The following KIF16B variants were observed in gnomAD, a reference collection of about 807,000 sequenced individuals.
The protein encoded by KIF16B is kinesin-like protein KIF16B.
In KIF16B, 98 loss-of-function variants were observed where a neutral mutation model predicts 156.3. The ratio of observed to expected loss-of-function variants is 0.63; its 90% CI spans 0.53 to 0.74. The LOEUF (loss-of-function observed/expected upper bound fraction) is 0.74, where lower values mean the gene tolerates loss of function less well. KIF16B is among the 30% of genes least tolerant of loss of function. The pLI, the probability that KIF16B is intolerant of heterozygous loss-of-function variation, is 0.00. For missense variants in KIF16B, 1,421 were observed against 1,606.5 expected, an observed-to-expected ratio of 0.88 and a Z score of 1.97; for synonymous variants, 564 against 583.7, an observed-to-expected ratio of 0.97 and a Z score of 0.49.
chr20:16,432,372 C>T lies in KIF16B; in HGVS notation c.1303-2390G>A, dbSNP rs2066525185. Among the ~76,000 whole-genome samples, 5 of 152,246 alleles carry T rather than the reference C, an allele frequency of 3.3e-5. No homozygotes were observed. The South Asian group carries it at 1.0e-3, about 32-fold the overall frequency. On this transcript the variant is annotated intron_variant, in intron 12 of 25. Transcript: ENST00000354981. ...AGATGCTCCTGGAGAATCTCCTTCC[C>T]TCCCTGACTCCTATAGTCAAGACGC...
intron 6 of KIF16B, 101 bp downstream of exon 6, chr20:16,511,317 T>C: frequency 1.6e-6 from 1 of 607,888 alleles, no homozygotes; most frequent in Non-Finnish European, 2.8e-6. Context: ...CAAAATTAAA[T>C]AAATTTTTAA....
chr20:16,462,221 G>T (rs1600460494), intron 12 of KIF16B, among the ~76,000 whole-genome samples: 1 of 149,282 alleles, frequency 6.7e-6, no homozygotes, highest in Non-Finnish European at 1.5e-5. Context: ...AGCCTGGGCG[G>T]CAAGAGCAAA....
At chr20:16,548,287 T>C (rs1297224924) in intron 1 of KIF16B, among the ~76,000 whole-genome samples, 1 of 151,846 alleles carries the variant, frequency 6.6e-6, no homozygotes, top group Non-Finnish European at 1.5e-5. Flanking sequence ...GGATTCAGAG[T>C]GCACATAGAA....
chr20:16,493,440 T>C (rs888490123), intron 12 of KIF16B, among the ~76,000 whole-genome samples: 7 of 152,238 alleles, frequency 4.6e-5, no homozygotes, highest in African/African-American at 1.7e-4. Flanking sequence ...TGATCCACCT[T>C]AGGATTCTGC....
At chr20:16,296,219 G>C (rs1268950978) in intron 25 of KIF16B, among the ~76,000 whole-genome samples, 1 of 152,182 alleles carries the variant, frequency 6.6e-6, no homozygotes, top group Non-Finnish European at 1.5e-5. Flanking sequence ...CCACCTTCAG[G>C]TACAGGCAAC....
chr20:16,406,299 G>A, intron 16 of KIF16B, 75 bp downstream of exon 16: 2 of 1,271,676 alleles, frequency 1.6e-6, no homozygotes, highest in Non-Finnish European at 1.2e-6. Flanking sequence ...CAAAAGATTG[G>A]AACCAGAGTG....
At chr20:16,351,383 TACCC>T (rs910841721) in intron 23 of KIF16B, among the ~76,000 whole-genome samples, 24 of 152,216 alleles carry the variant, frequency 1.6e-4, no homozygotes, top group African/African-American at 5.8e-4. Context: ...AATTAAATTT[TACCC>T]ACTCTGGTCC....
chr20:16,407,171 T>C (rs2065807440), intron 15 of KIF16B, among the ~76,000 whole-genome samples: 2 of 152,128 alleles, frequency 1.3e-5, no homozygotes, highest in African/African-American at 4.8e-5. Context: ...AATTTCAGCT[T>C]GATGAAGCAA....
chr20:16,356,539 T>C, intron 22 of KIF16B, 87 bp from the exon 23 acceptor site: 4 of 1,475,884 alleles, frequency 2.7e-6, no homozygotes, highest in Non-Finnish European at 3.7e-6. Flanking sequence ...AGGGAGAAAA[T>C]GTGTTTCAAG....
At chr20:16,317,627 C>T (rs1202028961) in intron 24 of KIF16B, among the ~76,000 whole-genome samples, 1 of 152,176 alleles carries the variant, frequency 6.6e-6, no homozygotes, top group African/African-American at 2.4e-5. Flanking sequence ...AGCAATGACT[C>T]GATTTGTTCC....
chr20:16,312,509 G>A, intron 24 of KIF16B, 91 bp from the exon 25 acceptor site: 1 of 992,898 alleles, frequency 1.0e-6, no homozygotes, highest in Non-Finnish European at 1.5e-6. Flanking sequence ...CTCTTCCATG[G>A]GGTGAAAAGA....
At position 16,512,816 on chromosome 20, in the gene KIF16B, C is replaced by T. The variant is rs1187579396; in HGVS notation, c.446+10G>A. 2.5e-6 allele frequency: 4 copies of T among 1,602,630 alleles called. No homozygotes were observed. Among genetic ancestry groups the T allele is most frequent in the South Asian group, 2.2e-5 (2 of 90,826 alleles). ...AGCTCACACACAGTTACCCAGGCCA[C>T]AGGCCCTACCTGACTTCAGTTCGAA... On this transcript the variant is annotated intron_variant, in intron 5 of 25. Coordinates refer to ENST00000354981, the MANE Select transcript of KIF16B (RefSeq NM_024704.5).
intron 24 of KIF16B, among the ~76,000 whole-genome samples, chr20:16,333,112 C>T (rs577607473): frequency 6.6e-6 from 1 of 152,306 alleles, no homozygotes; most frequent in South Asian, 2.1e-4. Flanking sequence ...GCCCACATTC[C>T]TCTACCATCC....
chr20:16,273,333 G>C lies in KIF16B; in HGVS notation c.3874C>G (p.Leu1292Val). The change falls in exon 26 of 26, where the codon CTC (leucine) becomes GTC (valine). Residue 1292 changes from leucine to valine, a missense_variant. Leu to Val is a conservative substitution (Grantham distance 32). Transcript: ENST00000354981. ...PLHINKVGLT[L>V]SKHTICEFSP... ...AACTCACAAATGGTATGTTTCGAGA[G>C]AGTCAGTCCCACTTTGTTGATGTGG... is the stretch of plus-strand genomic sequence containing the variant. 1 of 1,613,648 alleles carries C rather than the reference G, an allele frequency of 6.2e-7. No homozygotes were observed. Among genetic ancestry groups the C allele is most frequent in the Non-Finnish European group, 8.5e-7 (1 of 1,179,536 alleles).
At chr20:16,463,115 A>C in intron 12 of KIF16B, among the ~76,000 whole-genome samples, 1 of 152,106 alleles carries the variant, frequency 6.6e-6, no homozygotes, top group East Asian at 1.9e-4. Context: ...CTCATCTATA[A>C]AACCAACCGC....
intron 22 of KIF16B, among the ~76,000 whole-genome samples, chr20:16,364,261 C>A (rs148637296): frequency 6.6e-6 from 1 of 152,096 alleles, no homozygotes; most frequent in Non-Finnish European, 1.5e-5. Context: ...CAGCTGTGCA[C>A]AAAATGGATT....
intron 12 of KIF16B, among the ~76,000 whole-genome samples, chr20:16,451,123 A>T (rs2067068799): frequency 6.6e-6 from 1 of 152,198 alleles, no homozygotes; most frequent in African/African-American, 2.4e-5. Flanking sequence ...GCTCATATAG[A>T]ATGTACGTCT....
In KIF16B at chr20:16,377,212, G is replaced by A. The variant is rs374242669; in HGVS notation, c.3197+1593C>T. Among the ~76,000 whole-genome samples the A allele has an allele frequency of 2.8e-4, 42 of 152,118 alleles. No individual in the cohort carries two copies. The South Asian group carries it at 4.8e-3, about 17-fold the overall frequency. The stretch of plus-strand genomic sequence containing the variant: ...CCCCCTTAGGAGGTGCTGTGGGTGG[G>A]GGGAGTACTGCGGAGAGGGCAAGGT... On this transcript the variant is annotated intron_variant, in intron 19 of 25. Transcript: ENST00000354981.
rs1278532751 is a variant in KIF16B, at chr20:16,371,654, C to T, written c.3447+11G>A. 10 of 1,577,124 alleles carry T rather than the reference C, an allele frequency of 6.3e-6. No individual in the cohort carries two copies. The highest frequency in any genetic ancestry group is 7.8e-6 in the Non-Finnish European group (9 of 1,149,326). On this transcript the variant is annotated intron_variant, in intron 21 of 25. Transcript: ENST00000354981. ...CTTGTTACTTCGTGTTACTTGGCTC[C>T]TTCAGCTTACCTTCATCGTGTCTGC... is the stretch of plus-strand genomic sequence containing the variant.
Sources: gnomAD v4.1 joint callset for allele counts (sites outside exome capture counted in the v4.1 genomes callset) on GRCh38, gnomAD v4.1.1 for gene constraint, MANE v1.5 for transcripts, NCBI Gene and HGNC (gene_info 2026-07-23, HGNC 2026-07-21) for gene names.